Variants in TUSC3 observed in about 807,000 individuals in gnomAD.
TUSC3 encodes the protein dolichyl-diphosphooligosaccharide--protein glycosyltransferase subunit TUSC3.
Under a neutral mutation model 44.8 loss-of-function variants are expected in TUSC3, and 45 were observed. The ratio of observed to expected loss-of-function variants is 1.00; its 90% confidence interval spans 0.79 to 1.29. TUSC3 has a LOEUF of 1.29. Among genes scored for constraint, TUSC3 ranks in the 50% most tolerant of loss-of-function variants. The pLI, the probability that TUSC3 is intolerant of heterozygous loss-of-function variation, is 0.00. For synonymous variants in TUSC3, 212 were observed against 152.9 expected (o/e 1.39, Z -2.85); for missense variants, 519 against 437.9 (o/e 1.19, Z -1.65).
chr8:15,649,046 A>G (rs1287583400), intron 2 of TUSC3, among the ~76,000 whole-genome samples: 3 of 152,158 alleles, frequency 2.0e-5, no homozygotes, highest in Admixed American at 2.0e-4. Flanking sequence ...AAAATCTCAG[A>G]TCCTGCACAG....
intron 1 of TUSC3, among the ~76,000 whole-genome samples, chr8:15,564,363 A>C (rs1183978563): frequency 6.6e-6 from 1 of 152,174 alleles, no homozygotes; most frequent in Non-Finnish European, 1.5e-5. Context: ...ACAAATCTTA[A>C]CGTCATCCAG....
intron 1 of TUSC3, among the ~76,000 whole-genome samples, chr8:15,614,741 T>C (rs1323054720): frequency 2.6e-5 from 4 of 152,162 alleles, no homozygotes; most frequent in Non-Finnish European, 5.9e-5. Flanking sequence ...GTCATGCTTG[T>C]ACAAATTTGT....
At chr8:15,815,314 TG>T in the TUSC3 span, among the ~76,000 whole-genome samples, 2 of 151,970 alleles carry the variant, frequency 1.3e-5, no homozygotes, top group Non-Finnish European at 2.9e-5. Flanking sequence ...GGAAGGTTCT[TG>T]GGGGGCAGGA....
intron 1 of TUSC3, among the ~76,000 whole-genome samples, chr8:15,577,121 T>C (rs1585118458): frequency 6.7e-6 from 1 of 148,234 alleles, no homozygotes; most frequent in Non-Finnish European, 1.5e-5. Context: ...TTTTGAGAAG[T>C]GTCTGTTCAT....
the TUSC3 span, among the ~76,000 whole-genome samples, chr8:15,831,206 C>A: frequency 2.6e-5 from 4 of 152,192 alleles, no homozygotes; most frequent in African/African-American, 9.6e-5. Context: ...CCCCTAAAAT[C>A]TTCCAGAAGT....
intron 1 of TUSC3, among the ~76,000 whole-genome samples, chr8:15,613,761 T>G (rs1006146014): frequency 2.0e-5 from 3 of 152,222 alleles, no homozygotes; most frequent in Non-Finnish European, 4.4e-5. Context: ...TTCCATCTTA[T>G]AGATATTTCT....
chr8:15,417,528 C>G (rs1455484107), intron 1 of TUSC3, among the ~76,000 whole-genome samples: 1 of 152,118 alleles, frequency 6.6e-6, no homozygotes, highest in African/African-American at 2.4e-5. Flanking sequence ...CCACAGATGT[C>G]CAGCTAAGAG....
chr8:15,626,369 A>AC (rs1198274917), intron 2 of TUSC3, among the ~76,000 whole-genome samples: 1 of 152,190 alleles, frequency 6.6e-6, no homozygotes, highest in Admixed American at 6.5e-5. Context: ...CAGAGAGGGG[A>AC]CCCCAAGGCG....
chr8:15,796,685 C>G, the TUSC3 span, among the ~76,000 whole-genome samples: 54,246 of 152,122 alleles, frequency 0.36, 10,219 homozygotes, highest in East Asian at 0.52. Context: ...CCTCAGGTGA[C>G]AGAAAGGGAG....
At chr8:15,427,029 T>A (rs1407705693) in intron 1 of TUSC3, among the ~76,000 whole-genome samples, 1 of 152,092 alleles carries the variant, frequency 6.6e-6, no homozygotes, top group Non-Finnish European at 1.5e-5. Context: ...AAGAAATGTT[T>A]AAGTCTTTTA....
chr8:15,698,689 C>A (rs913645437), intron 6 of TUSC3, among the ~76,000 whole-genome samples: 1 of 152,116 alleles, frequency 6.6e-6, no homozygotes, highest in Non-Finnish European at 1.5e-5. Context: ...GCCATTCTCT[C>A]ATTACTAGGT....
At chr8:15,501,276 C>T (rs1293012828) in intron 2 of TUSC3, among the ~76,000 whole-genome samples, 18 of 152,118 alleles carry the variant, frequency 1.2e-4, no homozygotes, top group Non-Finnish European at 1.5e-5. Flanking sequence ...TCTATGAAAA[C>T]ACTCTCTAGG....
At chr8:15,465,758 A>G (rs929012819) in intron 1 of TUSC3, among the ~76,000 whole-genome samples, 3 of 152,192 alleles carry the variant, frequency 2.0e-5, no homozygotes, top group African/African-American at 7.2e-5. Context: ...TACTTTATGA[A>G]TTAGTTACTT....
At chr8:15,723,489 G>C (rs976937270) in intron 6 of TUSC3, among the ~76,000 whole-genome samples, 1 of 152,102 alleles carries the variant, frequency 6.6e-6, no homozygotes, top group Non-Finnish European at 1.5e-5. Context: ...CCAACAAGTG[G>C]CATTTTTTGT....
At chr8:15,515,866 T>G (rs919828254) in intron 2 of TUSC3, among the ~76,000 whole-genome samples, 1 of 151,982 alleles carries the variant, frequency 6.6e-6, no homozygotes, top group African/African-American at 2.4e-5. Context: ...AAACGGAGTT[T>G]CACCATATTG....
chr8:15,694,836 C>G (rs1271872661), intron 6 of TUSC3, among the ~76,000 whole-genome samples: 2 of 152,112 alleles, frequency 1.3e-5, no homozygotes, highest in Non-Finnish European at 2.9e-5. Context: ...ACAACACTCC[C>G]ATGAGTGGTG....
the TUSC3 span, among the ~76,000 whole-genome samples, chr8:15,826,741 G>C: frequency 3.3e-5 from 5 of 150,678 alleles, no homozygotes; most frequent in Non-Finnish European, 5.9e-5. Context: ...AAGAGGAATG[G>C]GGAGGCTTTA....
chr8:15,666,424 C>T (rs369294023), intron 5 of TUSC3, among the ~76,000 whole-genome samples: 24 of 151,384 alleles, frequency 1.6e-4, no homozygotes, highest in African/African-American at 5.3e-4. Flanking sequence ...GTTTCTTTTG[C>T]CCCAAATAAA....
chr8:15,737,813 A>G (rs1811001653), intron 7 of TUSC3, among the ~76,000 whole-genome samples: 1 of 152,170 alleles, frequency 6.6e-6, no homozygotes, highest in Non-Finnish European at 1.5e-5. Context: ...AAGAAATGCC[A>G]CGTAAGAACA....
Sources: gnomAD v4.1 joint callset for allele counts (sites outside exome capture counted in the v4.1 genomes callset) on GRCh38, gnomAD v4.1.1 for gene constraint, MANE v1.5 for transcripts, NCBI Gene and HGNC (gene_info 2026-07-23, HGNC 2026-07-21) for gene names.